The following DOP1B variants were observed in gnomAD, a reference collection of about 807,000 sequenced individuals.
DOP1B encodes the protein protein DOP1B.
DOP1B carries 174 observed loss-of-function variants against 233.5 expected under a neutral mutation model. The ratio of observed to expected loss-of-function variants is 0.75; its 90% confidence interval spans 0.66 to 0.85. The LOEUF (loss-of-function observed/expected upper bound fraction) is 0.85. Among genes scored for constraint, DOP1B ranks in the 40% least tolerant of loss-of-function variants. The pLI, the probability that DOP1B is intolerant of heterozygous loss-of-function variation, is 0.00. For missense variants in DOP1B, 2,652 were observed against 2,846.6 expected (o/e 0.93, Z 1.56); for synonymous variants, 1,190 against 1,185.6 (o/e 1.00, Z -0.08).
rs575799425 is a variant in DOP1B at position 36,166,909 on chromosome 21, C to G, written c.138+2038C>G. 2.0e-5 allele frequency among the ~76,000 whole-genome samples: 3 copies of G among 152,268 alleles called. No individual in the cohort carries two copies. In the East Asian group the frequency reaches 5.8e-4, roughly 29 times the overall value. ...GTATATTTACGACCTGTAAATGTCA[C>G]GGCTCCGTGCTGGCTGGGGTGGATA... On this transcript the variant is annotated intron_variant, in intron 2 of 36. Coordinates refer to ENST00000691173, the MANE Select transcript of DOP1B (RefSeq NM_001320714.2).
Position 36,227,793 on chromosome 21 carries a change from T to A in DOP1B, c.1581T>A (p.His527Gln). 1.2e-6 allele frequency: 2 copies of A among 1,613,888 alleles called. No homozygotes were observed. Among genetic ancestry groups the A allele is most frequent in the Non-Finnish European group, 1.7e-6 (2 of 1,179,838 alleles). The change falls in exon 13 of 37, where the codon CAT (histidine) becomes CAA (glutamine). Residue 527 changes from histidine (H) to glutamine (Q), a missense_variant. His to Gln is a conservative substitution (Grantham distance 24, BLOSUM62 0). This residue lies in a region of DOP1B where 2,617 missense variants were observed against 2,794.3 expected (regional missense o/e 0.94). Coordinates refer to ENST00000691173, the MANE Select transcript of DOP1B (RefSeq NM_001320714.2). ...MEALSLPELTHALKTCFKVLS... is the reference protein window; with the variant it reads ...MEALSLPELTQALKTCFKVLS... ...CCTTAAGTTTACCTGAACTCACGCA[T>A]GCCTTGAAGACGTGTTTCAAGGTGC...
chr21:36,260,989 T>C, intron 24 of DOP1B: 1 of 1,218,152 alleles, frequency 8.2e-7, no homozygotes, highest in African/African-American at 1.6e-5. Context: ...TGTTAAACTT[T>C]AAAAGGCTTG....
chr21:36,202,883 C>G (rs1203641310), intron 4 of DOP1B, among the ~76,000 whole-genome samples: 2 of 152,158 alleles, frequency 1.3e-5, no homozygotes, highest in African/African-American at 4.8e-5. Flanking sequence ...AGACTCCATG[C>G]CAATGGACTC....
chr21:36,230,241 G>A (rs926315501), intron 13 of DOP1B, among the ~76,000 whole-genome samples: 3 of 152,158 alleles, frequency 2.0e-5, no homozygotes, highest in African/African-American at 4.8e-5. Flanking sequence ...GAGCATGTGG[G>A]TGTACCAGCC....
intron 12 of DOP1B, among the ~76,000 whole-genome samples, chr21:36,227,317 G>A (rs1476501693): frequency 1.3e-5 from 2 of 152,022 alleles, no homozygotes; most frequent in Non-Finnish European, 2.9e-5. Context: ...GGAGGCCAAG[G>A]TGGATGGATC....
In DOP1B at chr21:36,159,900, G is replaced by A. The variant is rs2065854988; in HGVS notation, c.-27+2957G>A. Among the ~76,000 whole-genome samples, 3 of 152,184 alleles carry A rather than the reference G, an allele frequency of 2.0e-5. No individual in the cohort carries two copies. In the South Asian group the frequency reaches 6.2e-4, roughly 31 times the overall value. ...CTGTCACTTATGTGTGTTAAAAGGA[G>A]CAAGGCCACTTTGTCCACCCTCTGA... On this transcript the variant is annotated intron_variant, in intron 1 of 36. Coordinates refer to ENST00000691173, the MANE Select transcript of DOP1B (RefSeq NM_001320714.2).
intron 5 of DOP1B, among the ~76,000 whole-genome samples, 187 bp from the exon 6 acceptor site, chr21:36,211,366 C>T (rs2066495965): frequency 6.6e-6 from 1 of 152,176 alleles, no homozygotes; most frequent in Non-Finnish European, 1.5e-5. Flanking sequence ...TGCAGCTGAA[C>T]GTCTTCTCCG....
At chr21:36,277,376 G>A (rs915680324) in intron 28 of DOP1B, among the ~76,000 whole-genome samples, 14 of 152,094 alleles carry the variant, frequency 9.2e-5, no homozygotes, top group African/African-American at 1.7e-4. Context: ...TCCACCTCCC[G>A]GGTTCAAGCG....
chr21:36,293,238 T>G, intron 36 of DOP1B, 82 bp from the exon 37 acceptor site: 4 of 1,467,092 alleles, frequency 2.7e-6, no homozygotes, highest in Admixed American at 2.2e-5. Flanking sequence ...ATTTCTTAGG[T>G]TTTGCCACAT....
At chr21:36,202,317 C>T (rs192390609) in intron 4 of DOP1B, among the ~76,000 whole-genome samples, 1 of 152,328 alleles carries the variant, frequency 6.6e-6, no homozygotes, top group East Asian at 1.9e-4. Context: ...CAGTGATTCA[C>T]CTCTGTTAAT....
intron 4 of DOP1B, among the ~76,000 whole-genome samples, chr21:36,207,536 C>T (rs2066443785): frequency 7.4e-6 from 1 of 134,794 alleles, no homozygotes; most frequent in Non-Finnish European, 1.5e-5. Flanking sequence ...ACTCTCACTT[C>T]ATTCTCACAA....
intron 1 of DOP1B, among the ~76,000 whole-genome samples, chr21:36,162,477 C>T (rs1376382233): frequency 6.6e-6 from 1 of 152,156 alleles, no homozygotes; most frequent in Non-Finnish European, 1.5e-5. Context: ...GTGAGCCACT[C>T]CGTTCAGCTG....
At chr21:36,190,773 T>C (rs1318856409) in intron 2 of DOP1B, among the ~76,000 whole-genome samples, 1 of 152,266 alleles carries the variant, frequency 6.6e-6, no homozygotes, top group African/African-American at 2.4e-5. Flanking sequence ...TATATTAAGC[T>C]TACTGGCCAG....
At chr21:36,244,315 C>A (rs942390725) in intron 18 of DOP1B, among the ~76,000 whole-genome samples, 10 of 152,132 alleles carry the variant, frequency 6.6e-5, no homozygotes, top group Non-Finnish European at 1.5e-4. Flanking sequence ...AGCCACCATG[C>A]CACCACACCC....
At position 36,200,463 on chromosome 21, in the gene DOP1B, G is replaced by C; in HGVS notation, c.453G>C (p.Leu151=). 2 of 1,612,370 alleles carry C rather than the reference G, an allele frequency of 1.2e-6. No homozygotes were observed. Among genetic ancestry groups the C allele is most frequent in the Non-Finnish European group, 1.7e-6 (2 of 1,179,796 alleles). The change falls in exon 4 of 37, where the codon CTG becomes CTC. Residue 151 remains leucine (L), a synonymous_variant. Transcript: ENST00000691173. ...LPSLQAFIVG[L]LPGLEEGSEI... Reference sequence around the variant, plus strand: ...GTCTGCAGGCCTTCATCGTGGGCCTGCTGCCCGGCCTTGAAGAGGGCTCCG... The same window carrying C: ...GTCTGCAGGCCTTCATCGTGGGCCTCCTGCCCGGCCTTGAAGAGGGCTCCG...
intron 2 of DOP1B, among the ~76,000 whole-genome samples, chr21:36,165,885 T>C (rs559842469): frequency 6.7e-6 from 1 of 149,698 alleles, no homozygotes; most frequent in Non-Finnish European, 1.5e-5. Flanking sequence ...CCTGGCTAAT[T>C]TTTGTATTTT....
chr21:36,248,677 C>T (rs1328122640), intron 21 of DOP1B, 109 bp downstream of exon 21: 2 of 1,091,148 alleles, frequency 1.8e-6, no homozygotes, highest in Non-Finnish European at 2.4e-6. Flanking sequence ...CTCAATGAAA[C>T]CCAAGTCAGA....
At chr21:36,159,772 T>A (rs2065854034) in intron 1 of DOP1B, among the ~76,000 whole-genome samples, 1 of 152,186 alleles carries the variant, frequency 6.6e-6, no homozygotes, top group Non-Finnish European at 1.5e-5. Context: ...ACAGTTCTCT[T>A]CCTGGTAACT....
rs759135564 is a variant in DOP1B, at chr21:36,214,104, G to T, written c.928G>T (p.Val310Phe). 6.2e-7 allele frequency: 1 copy of T among 1,613,770 alleles called. No homozygotes were observed. Among genetic ancestry groups the T allele is most frequent in the African/African-American group, 1.3e-5 (1 of 74,886 alleles). The change falls in exon 8 of 37, where the codon GTT becomes TTT. Residue 310 changes from valine (V) to phenylalanine (F), a missense_variant. Val to Phe is a conservative substitution (Grantham distance 50, BLOSUM62 -1). Around this residue, in one of 3 missense-constraint regions of DOP1B, gnomAD observed 2,617 missense variants for 2,794.3 expected, o/e 0.94. Transcript: ENST00000691173. ...AGGCTCAGACATAAAAGGAAATACC[G>T]TTGTGCCAGAATCTGAAATCTCAAA... is the stretch of plus-strand genomic sequence containing the variant. ...LLGSDIKGNT[V>F]VPESEISNSY...
Sources: gnomAD v4.1 joint callset for allele counts (sites outside exome capture counted in the v4.1 genomes callset) on GRCh38, gnomAD v4.1.1 for gene constraint, gnomAD v4.1.1 regional missense constraint, MANE v1.5 for transcripts, NCBI Gene and HGNC (gene_info 2026-07-23, HGNC 2026-07-21) for gene names.